Variants in TSHZ3 observed in about 807,000 individuals in gnomAD.
The protein encoded by TSHZ3 is teashirt homolog 3.
In TSHZ3, 10 loss-of-function variants were observed where a neutral mutation model predicts 64.5. That is an observed-to-expected ratio of 0.16 (90% CI 0.10 to 0.26). TSHZ3 has a LOEUF of 0.26. TSHZ3 is among the 10% of genes least tolerant of loss of function. The pLI is 1.00. For missense variants in TSHZ3, 1,242 were observed against 1,421.7 expected (o/e 0.87, Z 2.03); for synonymous variants, 608 against 593.1 (o/e 1.03, Z -0.36).
At chr19:31,167,708 T>C (rs1437628956) in intron 5 of TSHZ3, 2 of 152,194 alleles carry the variant, frequency 1.3e-5, no homozygotes, top group African/African-American at 4.8e-5. Flanking sequence ...AAGAAATACT[T>C]CATTGTCACT....
chr19:31,170,863 A>T (rs1974526257), intron 5 of TSHZ3, among the ~76,000 whole-genome samples: 2 of 152,222 alleles, frequency 1.3e-5, no homozygotes, highest in Admixed American at 6.5e-5. Flanking sequence ...TGAGTCAGAG[A>T]ATATACAAAC....
At chr19:31,204,191 C>G (rs1461412175) in intron 5 of TSHZ3, among the ~76,000 whole-genome samples, 3 of 151,960 alleles carry the variant, frequency 2.0e-5, no homozygotes, top group Non-Finnish European at 2.9e-5. Context: ...TGGGTGGGGA[C>G]ACAGAGCAAA....
At chr19:31,287,449 G>C (rs1327749390) in intron 1 of TSHZ3, among the ~76,000 whole-genome samples, 2 of 152,098 alleles carry the variant, frequency 1.3e-5, no homozygotes. Context: ...TGTGATGGAG[G>C]AAAGAGTAGA....
chr19:31,301,580 G>A (rs911487844), intron 1 of TSHZ3, among the ~76,000 whole-genome samples: 2 of 152,172 alleles, frequency 1.3e-5, no homozygotes, highest in African/African-American at 4.8e-5. Flanking sequence ...CACTGGCCCT[G>A]TGCTGGGCAT....
At chr19:31,228,320 G>GT (rs1213188628) in intron 3 of TSHZ3, among the ~76,000 whole-genome samples, 1 of 152,054 alleles carries the variant, frequency 6.6e-6, no homozygotes, top group Non-Finnish European at 1.5e-5. Flanking sequence ...GAGCCCAGGA[G>GT]TTCAAGACCA....
chr19:31,168,117 A>G (rs1974481030), intron 5 of TSHZ3, among the ~76,000 whole-genome samples: 1 of 152,188 alleles, frequency 6.6e-6, no homozygotes, highest in African/African-American at 2.4e-5. Flanking sequence ...GAGGGGAAAA[A>G]GTACTCGTGC....
chr19:31,340,488 A>G (rs1260195140), intron 1 of TSHZ3, among the ~76,000 whole-genome samples: 2 of 148,510 alleles, frequency 1.3e-5, no homozygotes, highest in Non-Finnish European at 3.0e-5. Context: ...AGAGACGCAC[A>G]CAGAAAAGGG....
In TSHZ3 at chr19:31,279,092, T is replaced by A; in HGVS notation, c.701A>T (p.Asn234Ile). The A allele has an allele frequency of 6.2e-7, 1 of 1,613,982 alleles. No individual in the cohort carries two copies. The highest frequency in any genetic ancestry group is 8.5e-7 in the Non-Finnish European group (1 of 1,179,954). The change falls in exon 2 of 2, where the codon AAC becomes ATC. Residue 234 changes from asparagine (N) to isoleucine (I), a missense_variant. By Grantham distance (149) the Asn-to-Ile change is moderately radical (BLOSUM62 -3). Coordinates refer to ENST00000240587, the MANE Select transcript of TSHZ3 (RefSeq NM_020856.4). This position sits in a 1 kb window ranked among gnomAD's most constrained non-coding sequence, Gnocchi z 6.4. ...DTLVELTVHM[N>I]ETGHYRDDNH... ...GTCGTCGCGGTAATGCCCCGTCTCG[T>A]TCATGTGCACCGTCAACTCCACCAG...
chr19:31,190,485 A>G (rs553958913), intron 5 of TSHZ3, among the ~76,000 whole-genome samples: 59 of 152,322 alleles, frequency 3.9e-4, no homozygotes, highest in African/African-American at 1.4e-3. Context: ...CGGAAAAGGA[A>G]CAACTTCTCT....
At chr19:31,164,665 G>C (rs1599555095) in intron 5 of TSHZ3, among the ~76,000 whole-genome samples, 2 of 152,154 alleles carry the variant, frequency 1.3e-5, no homozygotes, top group East Asian at 3.9e-4. Flanking sequence ...TTGGCAGAAT[G>C]ATGGGCGAGT....
chr19:31,172,963 G>A (rs753224037), intron 5 of TSHZ3, among the ~76,000 whole-genome samples: 11 of 152,208 alleles, frequency 7.2e-5, no homozygotes, highest in Non-Finnish European at 1.3e-4. Context: ...CCAAGATAGG[G>A]ACAGAAGGTG....
intron 1 of TSHZ3, among the ~76,000 whole-genome samples, chr19:31,292,337 G>A (rs1422609378): frequency 6.6e-6 from 1 of 152,124 alleles, no homozygotes; most frequent in Non-Finnish European, 1.5e-5. Context: ...GGCAGTTTAT[G>A]GAACCAAGGA....
intron 1 of TSHZ3, among the ~76,000 whole-genome samples, chr19:31,269,913 A>C (rs1262195649): frequency 6.6e-6 from 1 of 152,192 alleles, no homozygotes; most frequent in Non-Finnish European, 1.5e-5. Flanking sequence ...CCCCGCATGG[A>C]GGCTGACAGC....
At chr19:31,191,796 C>A (rs1974912610) in intron 5 of TSHZ3, among the ~76,000 whole-genome samples, 1 of 152,066 alleles carries the variant, frequency 6.6e-6, no homozygotes, top group Non-Finnish European at 1.5e-5. Context: ...GAATCTGAGG[C>A]TACTGTGAGC....
At chr19:31,184,024 G>A (rs570200066) in intron 5 of TSHZ3, among the ~76,000 whole-genome samples, 3 of 152,010 alleles carry the variant, frequency 2.0e-5, no homozygotes, top group South Asian at 2.1e-4. Flanking sequence ...CTTTAATTAC[G>A]CCTTCAGAAC....
chr19:31,197,256 T>C (rs1181874146), intron 5 of TSHZ3, among the ~76,000 whole-genome samples: 1 of 151,848 alleles, frequency 6.6e-6, no homozygotes, highest in Admixed American at 6.6e-5. Flanking sequence ...TATTTTGAGA[T>C]AAATGAAAAT....
chr19:31,199,145 G>A (rs1398163331), intron 5 of TSHZ3, among the ~76,000 whole-genome samples: 1 of 152,032 alleles, frequency 6.6e-6, no homozygotes, highest in African/African-American at 2.4e-5. Flanking sequence ...GTGACTCACA[G>A]CTGTAATCCC....
intron 1 of TSHZ3, among the ~76,000 whole-genome samples, chr19:31,252,657 C>T (rs550087997): frequency 3.2e-4 from 49 of 152,318 alleles, no homozygotes; most frequent in African/African-American, 1.1e-3. Flanking sequence ...AAGTTGCCTG[C>T]TTCCCCTTTG....
intron 1 of TSHZ3, among the ~76,000 whole-genome samples, chr19:31,325,497 A>G (rs1916907362): frequency 6.6e-6 from 1 of 152,174 alleles, no homozygotes; most frequent in Admixed American, 6.5e-5. Flanking sequence ...TGAGCGAGAG[A>G]AGGGGTTGCT....
Sources: allele counts gnomAD v4.1 joint callset (sites outside exome capture counted in the v4.1 genomes callset), GRCh38; gene constraint gnomAD v4.1.1; non-coding constraint Gnocchi (gnomAD v3.1); transcripts MANE v1.5; gene names NCBI Gene and HGNC (gene_info 2026-07-23, HGNC 2026-07-21).